The following ERI3 variants were observed in gnomAD, a reference collection of about 807,000 sequenced individuals.
The protein encoded by ERI3 is ERI1 exoribonuclease family member 3.
Under a neutral mutation model 44.4 loss-of-function variants are expected in ERI3, and 18 were observed. The observed-to-expected ratio is 0.41, with a 90% CI of 0.28 to 0.60. The LOEUF (loss-of-function observed/expected upper bound fraction) is 0.60. Among genes scored for constraint, ERI3 ranks in the 20% least tolerant of loss-of-function variants. The pLI is 0.36. For missense variants in ERI3, 294 were observed against 435.5 expected (o/e 0.68, Z 2.89); for synonymous variants, 183 against 164.8 (o/e 1.11, Z -0.84).
intron 7 of ERI3, among the ~76,000 whole-genome samples, chr1:44,249,459 T>G (rs1416847325): frequency 2.6e-5 from 4 of 152,166 alleles, no homozygotes; most frequent in African/African-American, 9.7e-5. Flanking sequence ...AGGGCCCAGA[T>G]TCTGTGTCCA....
chr1:44,328,776 T>A (rs968414917), intron 3 of ERI3, among the ~76,000 whole-genome samples: 1 of 152,180 alleles, frequency 6.6e-6, no homozygotes, highest in Non-Finnish European at 1.5e-5. Context: ...ACTGACCAAA[T>A]GAGAATCAGA....
intron 8 of ERI3, among the ~76,000 whole-genome samples, chr1:44,245,063 G>A (rs897067594): frequency 6.6e-6 from 1 of 152,196 alleles, no homozygotes; most frequent in Admixed American, 6.5e-5. Context: ...ACCAGCCTGA[G>A]TGGCCAGTGA....
intron 3 of ERI3, among the ~76,000 whole-genome samples, chr1:44,324,762 G>A (rs570096004): frequency 2.6e-5 from 4 of 152,074 alleles, no homozygotes; most frequent in East Asian, 1.9e-4. Context: ...GATTACAGGC[G>A]TGAGCCACCG....
At position 44,224,430 on chromosome 1, in the gene ERI3, G is replaced by T. The variant is rs546604958; in HGVS notation, c.932-2790C>A. Among the ~76,000 whole-genome samples, 11 of 152,314 alleles carry T rather than the reference G, an allele frequency of 7.2e-5. 1 individual carries two copies. Among genetic ancestry groups the T allele is most frequent in the African/African-American group, 2.6e-4 (11 of 41,556 alleles). On this transcript the variant is annotated intron_variant, in intron 8 of 8. Coordinates refer to ENST00000372257, the MANE Select transcript of ERI3 (RefSeq NM_024066.3). The stretch of plus-strand genomic sequence containing the variant: ...TCTGAAAATGACAAAGTGGGTTTTG[G>T]AGCCAGAAAGACATGTTTCCAATCT...
chr1:44,323,952 T>G (rs1258076428), intron 3 of ERI3, among the ~76,000 whole-genome samples: 1 of 152,190 alleles, frequency 6.6e-6, no homozygotes. Flanking sequence ...AAGTCTACCA[T>G]CTAGAAAGAG....
intron 7 of ERI3, among the ~76,000 whole-genome samples, chr1:44,258,561 A>T (rs1333032840): frequency 6.6e-6 from 1 of 152,200 alleles, no homozygotes; most frequent in East Asian, 1.9e-4. Flanking sequence ...AGAGATACAC[A>T]GGTCAAGCAG....
chr1:44,339,364 G>GAA, intron 2 of ERI3, 42 bp from the exon 3 acceptor site: 5 of 1,125,104 alleles, frequency 4.4e-6, no homozygotes, highest in South Asian at 4.8e-5. Context: ...AAAAAGAAAA[G>GAA]AAAGAAAAAA....
At chr1:44,324,476 CTTTT>C (rs35475844) in intron 3 of ERI3, among the ~76,000 whole-genome samples, 26 of 90,458 alleles carry the variant, frequency 2.9e-4, no homozygotes, top group African/African-American at 9.3e-4. Context: ...AACATAGACT[CTTTT>C]TTTTTTTTTT....
At chr1:44,276,070 G>C (rs1645175773) in intron 7 of ERI3, among the ~76,000 whole-genome samples, 2 of 152,276 alleles carry the variant, frequency 1.3e-5, no homozygotes, top group African/African-American at 2.4e-5. Context: ...GAGACAGAGG[G>C]GGAAGTGCCA....
intron 6 of ERI3, among the ~76,000 whole-genome samples, chr1:44,298,378 T>C (rs1645653358): frequency 6.6e-6 from 1 of 151,580 alleles, no homozygotes; most frequent in South Asian, 2.1e-4. Flanking sequence ...TTTGAAAGGG[T>C]GAGGGGGATT....
At chr1:44,236,945 G>A (rs1262061248) in intron 8 of ERI3, among the ~76,000 whole-genome samples, 1 of 152,166 alleles carries the variant, frequency 6.6e-6, no homozygotes, top group Non-Finnish European at 1.5e-5. Context: ...TTCTAAGGCT[G>A]TCCCTCGTGC....
chr1:44,273,774 T>C (rs556929352), intron 7 of ERI3, among the ~76,000 whole-genome samples: 32 of 152,314 alleles, frequency 2.1e-4, no homozygotes, highest in South Asian at 2.1e-4. Context: ...CACAAGGGTT[T>C]TGAAGGATGA....
At chr1:44,263,689 G>A (rs1489045800) in intron 7 of ERI3, among the ~76,000 whole-genome samples, 1 of 152,186 alleles carries the variant, frequency 6.6e-6, no homozygotes, top group Non-Finnish European at 1.5e-5. Flanking sequence ...AGGAGTATAG[G>A]CTTGGGCTCT....
intron 8 of ERI3, among the ~76,000 whole-genome samples, chr1:44,223,753 C>G (rs1383923697): frequency 6.6e-6 from 1 of 152,234 alleles, no homozygotes; most frequent in Non-Finnish European, 1.5e-5. Context: ...GTTCTCCCAC[C>G]TGTGCCTGGC....
Position 44,329,105 on chromosome 1 carries a change from GA to G in ERI3, c.490-9362del, listed in dbSNP as rs1200805121. ...AGCACACTATTGTCTCAGCCCTCCA[GA>G]AAAAAACCTTCCTCTGTCCAGATGA... is the stretch of plus-strand genomic sequence containing the variant. On this transcript the variant is annotated intron_variant, in intron 3 of 8. Coordinates refer to ENST00000372257, the MANE Select transcript of ERI3 (RefSeq NM_024066.3). Among the ~76,000 whole-genome samples, 5 of 152,106 alleles carry G rather than the reference GA, an allele frequency of 3.3e-5. No homozygotes were observed. In the East Asian group the frequency reaches 9.6e-4, roughly 29 times the overall value.
intron 3 of ERI3, among the ~76,000 whole-genome samples, chr1:44,338,375 G>A (rs1572324314): frequency 6.6e-6 from 1 of 152,280 alleles, no homozygotes; most frequent in South Asian, 2.1e-4. Flanking sequence ...GCCTGACCGG[G>A]GCTGGTAGAT....
At chr1:44,350,088 ATAT>A (rs1646859010) in intron 2 of ERI3, among the ~76,000 whole-genome samples, 1 of 152,198 alleles carries the variant, frequency 6.6e-6, no homozygotes, top group African/African-American at 2.4e-5. Context: ...CAAATAGGAC[ATAT>A]ATAGAATGAG....
intron 7 of ERI3, among the ~76,000 whole-genome samples, chr1:44,264,365 G>A (rs749356429): frequency 3.9e-5 from 6 of 152,282 alleles, no homozygotes; most frequent in Middle Eastern, 3.4e-3. Flanking sequence ...CCCTCTTGGC[G>A]TGATACATCT....
intron 6 of ERI3, among the ~76,000 whole-genome samples, chr1:44,292,478 CTTGA>C (rs1645527700): frequency 1.3e-5 from 2 of 152,142 alleles, no homozygotes; most frequent in Admixed American, 1.3e-4. Flanking sequence ...TGATTTCTCT[CTTGA>C]GAGAGCTTCC....
Sources: gnomAD v4.1 joint callset for allele counts (sites outside exome capture counted in the v4.1 genomes callset) on GRCh38, gnomAD v4.1.1 for gene constraint, MANE v1.5 for transcripts, NCBI Gene and HGNC (gene_info 2026-07-23, HGNC 2026-07-21) for gene names.